ANKLE1: variants seen among roughly 807,000 people sequenced by gnomAD.
The protein encoded by ANKLE1 is ankyrin repeat and LEM domain containing 1.
A neutral mutation model predicts 56.2 loss-of-function variants in ANKLE1; 59 were observed. That is an observed-to-expected ratio of 1.05 (90% CI 0.85 to 1.30). The LOEUF (loss-of-function observed/expected upper bound fraction) is 1.30. Ranked by LOEUF, ANKLE1 falls within the 50% of genes most tolerant of loss-of-function variation. The probability of loss-of-function intolerance (pLI) is 0.00; values close to 1 mark genes in which losing one functional copy is unlikely to be tolerated. For synonymous variants in ANKLE1, 341 were observed against 352.9 expected (o/e 0.97, Z 0.38); for missense variants, 771 against 816.1 (o/e 0.94, Z 0.67).
In ANKLE1 at chr19:17,283,505, C is replaced by G; in HGVS notation, c.741C>G (p.Thr247=). The G allele has an allele frequency of 1.2e-6, 2 of 1,613,070 alleles. No individual in the cohort carries two copies. Among genetic ancestry groups the G allele is most frequent in the Non-Finnish European group, 1.7e-6 (2 of 1,179,662 alleles). Residue 247 remains threonine (T), a synonymous_variant, in exon 5 of 9, where the codon ACC becomes ACG. Coordinates refer to ENST00000404085, the MANE Select transcript of ANKLE1 (RefSeq NM_152363.6). ...TPPWAGSLPP[T]RQGLLHVVHA... The stretch of plus-strand genomic sequence containing the variant: ...CCTGGGCTGGGTCATTGCCACCGAC[C>G]AGGCAGGGACTTCTGCATGTTGTCC...
rs1233252326 is a variant in ANKLE1 at position 17,283,007 on chromosome 19, G to A, written c.460+5G>A. Reference sequence around the variant, plus strand: ...AGCCCGAGCCTGCACCTGGCAGTGAGTAGGGCCTGCAGGGCTGCTGGGGCT... The same window carrying A: ...AGCCCGAGCCTGCACCTGGCAGTGAATAGGGCCTGCAGGGCTGCTGGGGCT... On this transcript the variant is annotated splice_donor_5th_base_variant and intron_variant, in intron 4 of 8. Transcript: ENST00000404085. 4 of 1,557,852 alleles carry A rather than the reference G, an allele frequency of 2.6e-6. No homozygotes were observed.
At position 17,284,171 on chromosome 19, in the gene ANKLE1, C is replaced by G; in HGVS notation, c.1281C>G (p.Asp427Glu). 6.2e-7 allele frequency: 1 copy of G among 1,613,854 alleles called. No individual in the cohort carries two copies. Residue 427 changes from aspartate (D) to glutamate (E), a missense_variant, in exon 6 of 9, where the codon GAC (aspartate) becomes GAG (glutamate). Coordinates refer to ENST00000404085, the MANE Select transcript of ANKLE1 (RefSeq NM_152363.6). The stretch of plus-strand genomic sequence containing the variant: ...TTCCAGATGTCCAGGCAGATGAAGA[C>G]GCGCTGGCCCAGCAGTTTGAGCAGC... The part of the protein sequence containing the change: ...GCIPDVQADE[D>E]ALAQQFEQPD...
In ANKLE1 at chr19:17,286,845, A is replaced by T; in HGVS notation, c.*293A>T. 8.0e-7 allele frequency: 1 copy of T among 1,252,348 alleles called. No individual in the cohort carries two copies. The highest frequency in any genetic ancestry group is 1.0e-6 in the Non-Finnish European group (1 of 986,360). The allele number at this position is 1,252,348 out of a possible 1,614,324, so 77.6% of individuals were successfully genotyped here. ...AGAAGGGAAGCAGAAGGTGCTTTGGAACAGTCCGGTGCTTCTGTAAGAGGC... is the reference window on the plus strand; with the variant it reads ...AGAAGGGAAGCAGAAGGTGCTTTGGTACAGTCCGGTGCTTCTGTAAGAGGC... On this transcript the variant is annotated 3_prime_UTR_variant, in exon 9 of 9. Coordinates refer to ENST00000404085, the MANE Select transcript of ANKLE1 (RefSeq NM_152363.6).
Position 17,286,466 on chromosome 19 carries a change from G to T in ANKLE1, c.1762G>T (p.Val588Leu). The T allele has an allele frequency of 3.1e-6, 5 of 1,612,702 alleles. No homozygotes were observed. Among genetic ancestry groups the T allele is most frequent in the Non-Finnish European group, 4.2e-6 (5 of 1,179,746 alleles). Residue 588 changes from valine (V) to leucine (L), a missense_variant, in exon 9 of 9, where the codon GTG becomes TTG. By Grantham distance (32) the Val-to-Leu change is conservative. Coordinates refer to ENST00000404085, the MANE Select transcript of ANKLE1 (RefSeq NM_152363.6). ...ACCTGCTCGTCGCCGGCGCTTGGGG[G>T]TGCACCTGCTGCACCGTGCCCTCCT... ...WPPARRRRLG[V>L]HLLHRALLVF... is the part of the protein sequence containing the mutation.
At position 17,282,695 on chromosome 19, in the gene ANKLE1, G is replaced by T. The variant is rs1864113; in HGVS notation, c.255G>T (p.Ala85=). 1 of 1,536,502 alleles carries T rather than the reference G, an allele frequency of 6.5e-7. No homozygotes were observed. The highest frequency in any genetic ancestry group is 8.7e-7 in the Non-Finnish European group (1 of 1,147,470). Reference sequence around the variant, plus strand: ...TGACGCCGCTGCATGTGGCCGCCGCGTGGGGCTGCCGCCGCGGCCTGGAGC... The same window carrying T: ...TGACGCCGCTGCATGTGGCCGCCGCTTGGGGCTGCCGCCGCGGCCTGGAGC... ...EALTPLHVAA[A]WGCRRGLELL... is the part of the protein sequence containing the mutation. The change falls in exon 3 of 9, where the codon GCG becomes GCT. Residue 85 remains alanine, a synonymous_variant. Transcript: ENST00000404085.
chr19:17,285,789 A>G lies in ANKLE1; in HGVS notation c.1645A>G (p.Thr549Ala). The G allele has an allele frequency of 6.2e-7, 1 of 1,613,800 alleles. No individual in the cohort carries two copies. The highest frequency in any genetic ancestry group is 8.5e-7 in the Non-Finnish European group (1 of 1,179,874). The change falls in exon 8 of 9, where the codon ACA becomes GCA. Residue 549 changes from threonine to alanine, a missense_variant. Coordinates refer to ENST00000404085, the MANE Select transcript of ANKLE1 (RefSeq NM_152363.6). ...GCACGTGGTCGCTGTGGAGGCTTAT[A>G]CACGGGAGGCGTGTATTGTGGAAGC... is the stretch of plus-strand genomic sequence containing the variant. ...FQHVVAVEAY[T>A]REACIVEALG...
At chr19:17,284,499 T>G (rs2074011046) in intron 6 of ANKLE1, among the ~76,000 whole-genome samples, 1 of 152,058 alleles carries the variant, frequency 6.6e-6, no homozygotes, top group Admixed American at 6.6e-5. Context: ...TCCTCTTGTC[T>G]CAGCCTCTCA....
chr19:17,282,956 G>T lies in ANKLE1; in HGVS notation c.414G>T (p.Arg138=). 6.4e-7 allele frequency: 1 copy of T among 1,568,434 alleles called. No homozygotes were observed. Among genetic ancestry groups the T allele is most frequent in the South Asian group, 1.2e-5 (1 of 86,364 alleles). ...ATCTCGACACGCGGACCAGGACCCG[G>T]ACCCGGATCGGGGCAGAGACTCAGG... ...LQDLDTRTRT[R]TRIGAETQEP... is the part of the protein sequence containing the mutation. Residue 138 remains arginine, a synonymous_variant, in exon 4 of 9, where the codon CGG becomes CGT. Transcript: ENST00000404085.
chr19:17,282,626 G>T (rs1025183305), intron 2 of ANKLE1, 30 bp from the exon 3 acceptor site: 2 of 1,528,326 alleles, frequency 1.3e-6, no homozygotes, highest in African/African-American at 1.4e-5. Context: ...GGCTGAGTCC[G>T]CAATGACCCC....
At position 17,283,248 on chromosome 19, in the gene ANKLE1, G is replaced by A. The variant is rs755762252; in HGVS notation, c.484G>A (p.Asp162Asn). 6.8e-6 allele frequency: 11 copies of A among 1,612,198 alleles called. No homozygotes were observed. Among genetic ancestry groups the A allele is most frequent in the Middle Eastern group, 1.6e-4 (1 of 6,062 alleles). Residue 162 changes from aspartate to asparagine, a missense_variant, in exon 5 of 9, where the codon GAT (aspartate) becomes AAT (asparagine). Physicochemically the swap from Asp to Asn is conservative, Grantham distance 23. Transcript: ENST00000404085. ...AGCCCCAGGCCTCTCTGGACCTACC[G>A]ATGAGACGCTGGACTCCATAGCACT... is the stretch of plus-strand genomic sequence containing the variant. ...PGTPGLSGPTDETLDSIALQK... is the reference protein window; with the variant it reads ...PGTPGLSGPTNETLDSIALQK...
At chr19:17,282,328 C>A in intron 2 of ANKLE1, 119 bp downstream of exon 2, 62 of 1,307,604 alleles carry the variant, frequency 4.7e-5, no homozygotes, top group Middle Eastern at 2.7e-4. Context: ...TTTAGGGGAT[C>A]TTGGGGAGGG....
chr19:17,286,914 A>C lies in ANKLE1; in HGVS notation c.*362A>C. 1.4e-6 allele frequency: 1 copy of C among 708,506 alleles called. No individual in the cohort carries two copies. The highest frequency in any genetic ancestry group is 1.8e-6 in the Non-Finnish European group (1 of 550,596). 43.9% of individuals were successfully genotyped at this position (708,506 alleles called of 1,614,324 possible). ...CCACCTGGAATAGGAGCTGGGTAAA[A>C]TGAGGCTGAAACCTACTGGGCTGCA... On this transcript the variant is annotated 3_prime_UTR_variant, in exon 9 of 9. Transcript: ENST00000404085.
rs1232998448 is a variant in ANKLE1, at chr19:17,283,485, G to T, written c.721G>T (p.Ala241Ser). The T allele has an allele frequency of 6.2e-7, 1 of 1,613,152 alleles. No individual in the cohort carries two copies. The highest frequency in any genetic ancestry group is 1.7e-5 in the Admixed American group (1 of 60,014). Reference protein sequence around the residue: ...EDPASDTPPWAGSLPPTRQGL... With the variant: ...EDPASDTPPWSGSLPPTRQGL... The stretch of plus-strand genomic sequence containing the variant: ...CCCAGCCTCGGACACTCCCCCCTGG[G>T]CTGGGTCATTGCCACCGACCAGGCA... Residue 241 changes from alanine to serine, a missense_variant, in exon 5 of 9, where the codon GCT becomes TCT. Physicochemically the swap from Ala to Ser is moderately conservative, Grantham distance 99. Coordinates refer to ENST00000404085, the MANE Select transcript of ANKLE1 (RefSeq NM_152363.6).
chr19:17,283,289 C>T lies in ANKLE1; in HGVS notation c.525C>T (p.Cys175=). 6.2e-7 allele frequency: 1 copy of T among 1,613,666 alleles called. No individual in the cohort carries two copies. The highest frequency in any genetic ancestry group is 8.5e-7 in the Non-Finnish European group (1 of 1,179,864). Residue 175 remains cysteine, a synonymous_variant, in exon 5 of 9, where the codon TGC becomes TGT. Coordinates refer to ENST00000404085, the MANE Select transcript of ANKLE1 (RefSeq NM_152363.6). The stretch of plus-strand genomic sequence containing the variant: ...CCATAGCACTCCAAAAGCAGCCATG[C>T]AGAGGTGACAACAGGGACATTGGCT... ...LDSIALQKQP[C]RGDNRDIGLE... is the part of the protein sequence containing the mutation.
chr19:17,286,246 T>C, intron 8 of ANKLE1, 134 bp from the exon 9 acceptor site: 1 of 1,232,344 alleles, frequency 8.1e-7, no homozygotes, highest in East Asian at 2.6e-5. Flanking sequence ...AACTCCTGGC[T>C]TCATGTGATC....
chr19:17,286,656 G>GTGTGTGTGTGTGTT lies in ANKLE1; in HGVS notation c.*117_*118insTTGTGTGTGTGTGT, dbSNP rs2145643088. On this transcript the variant is annotated 3_prime_UTR_variant, in exon 9 of 9. Transcript: ENST00000404085. ...CTCTGGTTTCAGAAGGGGTGTGTGTGTGTGTGTGTGTGTGTGTGTGTGTGT... is the reference window on the plus strand; with the variant it reads ...CTCTGGTTTCAGAAGGGGTGTGTGTGTGTGTGTGTGTGTTTGTGTGTGTGTGTGTGTGTGTGTGT... 3 of 678,886 alleles carry GTGTGTGTGTGTGTT rather than the reference G, an allele frequency of 4.4e-6. No homozygotes were observed. Among genetic ancestry groups the GTGTGTGTGTGTGTT allele is most frequent in the African/African-American group, 2.4e-5 (1 of 42,456 alleles). 42.1% of individuals were successfully genotyped at this position (678,886 alleles called of 1,614,324 possible). A position where few individuals can be genotyped will look rare whatever the true frequency, so the allele number is the denominator to read the frequency against.
rs987255584 is a variant in ANKLE1, at chr19:17,282,863, G to A, written c.322-1G>A. 6.3e-7 allele frequency: 1 copy of A among 1,588,446 alleles called. No individual in the cohort carries two copies. On this transcript the variant is annotated splice_acceptor_variant, in intron 3 of 8. Coordinates refer to ENST00000404085, the MANE Select transcript of ANKLE1 (RefSeq NM_152363.6). LOFTEE classifies it high-confidence loss of function. ...GCCCCCTGCTGACCGCGCCCCTGTA[G>A]GACGGACTCCGGCCGCTGGACCTGG... is the stretch of plus-strand genomic sequence containing the variant.
intron 6 of ANKLE1, among the ~76,000 whole-genome samples, 186 bp downstream of exon 6, chr19:17,284,452 C>G (rs1459870629): frequency 1.3e-5 from 2 of 152,086 alleles, no homozygotes; most frequent in South Asian, 4.1e-4. Context: ...GGTGCCGTCT[C>G]GGCTCACTGC....
chr19:17,285,585 AAAC>A lies in ANKLE1; in HGVS notation c.1533_1535del (p.Gln512del), dbSNP rs747230110. ...CCTTGGTCACCATGGGCGGTCAAGAAAACAGGTGTGAGGACAGGGATCAGGGTT... is the reference window on the plus strand; with the variant it reads ...CCTTGGTCACCATGGGCGGTCAAGAAAGGTGTGAGGACAGGGATCAGGGTT... On this transcript the variant is annotated inframe_deletion and splice_region_variant, in exon 7 of 9. Transcript: ENST00000404085. The A allele has an allele frequency of 1.9e-5, 31 of 1,613,950 alleles. No individual in the cohort carries two copies. The South Asian group carries it at 3.3e-4, about 17-fold the overall frequency.
Sources: allele counts gnomAD v4.1 joint callset (sites outside exome capture counted in the v4.1 genomes callset), GRCh38; gene constraint gnomAD v4.1.1; transcripts MANE v1.5; gene names NCBI Gene and HGNC (gene_info 2026-07-23, HGNC 2026-07-21).